Variants in ROBO1 observed in about 807,000 individuals in gnomAD.
The protein encoded by ROBO1 is roundabout guidance receptor 1, also known as roundabout homolog 1.
Under a neutral mutation model 195.9 loss-of-function variants are expected in ROBO1, and 149 were observed. The observed-to-expected ratio is 0.76, with a 90% CI of 0.67 to 0.87. ROBO1 has a LOEUF of 0.87. Among genes scored for constraint, ROBO1 ranks in the 40% least tolerant of loss-of-function variants. The pLI is 0.00. For synonymous variants in ROBO1, 816 were observed against 733.2 expected (o/e 1.11, Z -1.82); for missense variants, 1,933 against 2,068.3 (o/e 0.93, Z 1.27).
intron 2 of ROBO1, among the ~76,000 whole-genome samples, chr3:79,474,185 G>C (rs1938429613): frequency 6.6e-6 from 1 of 152,094 alleles, no homozygotes; most frequent in Non-Finnish European, 1.5e-5. Context: ...GATATCTGTA[G>C]TAAAGACAAT....
intron 3 of ROBO1, among the ~76,000 whole-genome samples, chr3:79,080,067 T>A (rs2079243456): frequency 6.6e-6 from 1 of 151,772 alleles, no homozygotes; most frequent in African/African-American, 2.4e-5. Flanking sequence ...AACAAGATGA[T>A]AATGTTAGTG....
At chr3:79,517,279 A>T (rs1940990586) in intron 2 of ROBO1, among the ~76,000 whole-genome samples, 1 of 152,208 alleles carries the variant, frequency 6.6e-6, no homozygotes, top group Admixed American at 6.5e-5. Flanking sequence ...CCAATAACTG[A>T]ATTTCCAGCG....
At chr3:79,644,082 C>T (rs1023423267) in intron 1 of ROBO1, among the ~76,000 whole-genome samples, 2 of 151,968 alleles carry the variant, frequency 1.3e-5, no homozygotes, top group African/African-American at 4.8e-5. Flanking sequence ...AAATAGATTG[C>T]AAATCAAAGA....
chr3:79,364,236 G>A (rs71626833), intron 2 of ROBO1, among the ~76,000 whole-genome samples: 93,003 of 146,612 alleles, frequency 0.63, 31,101 homozygotes, highest in African/African-American at 0.87. Flanking sequence ...ATGTGTGTGT[G>A]TATATATATA....
intron 5 of ROBO1, among the ~76,000 whole-genome samples, chr3:78,724,320 C>T (rs3821602): frequency 0.22 from 33,986 of 151,750 alleles, 3,891 homozygotes; most frequent in Non-Finnish European, 0.24. Context: ...AGAAAAACAA[C>T]ATAGTACTAT....
chr3:79,274,610 C>T (rs755162165), intron 2 of ROBO1, among the ~76,000 whole-genome samples: 1 of 151,610 alleles, frequency 6.6e-6, no homozygotes, highest in Non-Finnish European at 1.5e-5. Context: ...AGAGCCAACC[C>T]ACCCAAAATT....
intron 1 of ROBO1, among the ~76,000 whole-genome samples, chr3:79,651,397 T>C (rs576703369): frequency 1.3e-5 from 2 of 152,254 alleles, no homozygotes; most frequent in East Asian, 3.9e-4. Context: ...CTTCCAAATA[T>C]TAAAAGAAAG....
At chr3:79,413,944 A>C (rs1223925860) in intron 2 of ROBO1, among the ~76,000 whole-genome samples, 1 of 152,116 alleles carries the variant, frequency 6.6e-6, no homozygotes, top group East Asian at 1.9e-4. Flanking sequence ...GGAGCCATAA[A>C]ACCTAATCAT....
At chr3:79,011,975 G>A (rs947560420) in intron 3 of ROBO1, among the ~76,000 whole-genome samples, 63 of 152,126 alleles carry the variant, frequency 4.1e-4, no homozygotes, top group Admixed American at 1.6e-3. Context: ...AGGACTCCAC[G>A]CTCCTTTCAT....
intron 1 of ROBO1, among the ~76,000 whole-genome samples, chr3:79,755,059 T>C (rs1166004725): frequency 6.6e-6 from 1 of 151,988 alleles, no homozygotes; most frequent in South Asian, 2.1e-4. Flanking sequence ...TTTGTATTTT[T>C]AGTAGAAACG....
chr3:78,865,200 GA>G (rs2035093784), intron 4 of ROBO1, among the ~76,000 whole-genome samples: 1 of 152,042 alleles, frequency 6.6e-6, no homozygotes, highest in African/African-American at 2.4e-5. Context: ...GTACTTAGGG[GA>G]AAAACAAATA....
chr3:78,987,280 C>T (rs1409876431), intron 3 of ROBO1, among the ~76,000 whole-genome samples: 2 of 151,866 alleles, frequency 1.3e-5, no homozygotes, highest in Non-Finnish European at 2.9e-5. Context: ...GCTACCTATA[C>T]TACAAAATTA....
intron 1 of ROBO1, among the ~76,000 whole-genome samples, chr3:79,722,693 TA>T: frequency 6.6e-6 from 1 of 152,324 alleles, no homozygotes; most frequent in South Asian, 2.1e-4. Flanking sequence ...TTTTTCTTAT[TA>T]AATATGTGCA....
chr3:78,846,443 C>T (rs1036831912), intron 4 of ROBO1, among the ~76,000 whole-genome samples: 7 of 152,090 alleles, frequency 4.6e-5, no homozygotes, highest in Admixed American at 4.6e-4. Flanking sequence ...TTAGACATTT[C>T]CCTGTGAGTT....
intron 2 of ROBO1, among the ~76,000 whole-genome samples, chr3:79,373,173 T>C (rs2036261740): frequency 6.6e-6 from 1 of 152,242 alleles, no homozygotes; most frequent in African/African-American, 2.4e-5. Flanking sequence ...CACTTTCATT[T>C]AAAAATCTGT....
At chr3:79,406,769 A>G (rs758079078) in intron 2 of ROBO1, among the ~76,000 whole-genome samples, 13 of 152,084 alleles carry the variant, frequency 8.5e-5, no homozygotes, top group Non-Finnish European at 1.3e-4. Flanking sequence ...TTCCTGATTA[A>G]ATTAGAGTTA....
intron 4 of ROBO1, among the ~76,000 whole-genome samples, chr3:78,760,578 C>T (rs1303451077): frequency 6.6e-6 from 1 of 152,138 alleles, no homozygotes; most frequent in Non-Finnish European, 1.5e-5. Flanking sequence ...ATGAATTAAC[C>T]TATTTGAACA....
chr3:79,766,248 C>G (rs1183911477), intron 1 of ROBO1, among the ~76,000 whole-genome samples: 1 of 152,010 alleles, frequency 6.6e-6, no homozygotes, highest in South Asian at 2.1e-4. Context: ...CATAATTGCC[C>G]TAAATTGCTT....
intron 2 of ROBO1, among the ~76,000 whole-genome samples, chr3:79,392,763 C>T (rs1335657091): frequency 6.6e-6 from 1 of 152,024 alleles, no homozygotes; most frequent in African/African-American, 2.4e-5. Flanking sequence ...AGTATATCAT[C>T]AAATAAAACA....
Sources: allele counts gnomAD v4.1 joint callset (sites outside exome capture counted in the v4.1 genomes callset), GRCh38; gene constraint gnomAD v4.1.1; transcripts MANE v1.5; gene names NCBI Gene and HGNC (gene_info 2026-07-23, HGNC 2026-07-21).